USH2A: variants seen among roughly 807,000 people sequenced by gnomAD.
USH2A encodes the protein Usher syndrome 2A (autosomal recessive, mild).
In USH2A, 443 loss-of-function variants were observed where a neutral mutation model predicts 538.9. The ratio of observed to expected loss-of-function variants is 0.82; its 90% CI spans 0.76 to 0.89. The LOEUF is 0.89. Among genes scored for constraint, USH2A ranks in the 40% least tolerant of loss-of-function variants. The probability of loss-of-function intolerance (pLI) is 0.00; values close to 1 mark genes in which losing one functional copy is unlikely to be tolerated. For synonymous variants in USH2A, 2,413 were observed against 2,273.5 expected, an observed-to-expected ratio of 1.06 and a Z score of -1.75; for missense variants, 6,633 against 6,324.8, an observed-to-expected ratio of 1.05 and a Z score of -1.65.
chr1:216,290,622 T>C (rs1318190922), intron 10 of USH2A, among the ~76,000 whole-genome samples: 1 of 152,154 alleles, frequency 6.6e-6, no homozygotes, highest in Non-Finnish European at 1.5e-5. Context: ...CACTAACATG[T>C]GTAAGTGATT....
Position 216,390,625 on chromosome 1 carries a change from T to C in USH2A, c.652-25540A>G, listed in dbSNP as rs61328172. 9.6e-3 allele frequency among the ~76,000 whole-genome samples: 1,463 copies of C among 152,294 alleles called. 23 individuals carry two copies. Among genetic ancestry groups the C allele is most frequent in the African/African-American group, 0.034 (1,405 of 41,566 alleles). ...AGGCTAATATTCTTGAAATGGATAG[T>C]TTCAAACCTAAACTTTGAAGATAAC... On this transcript the variant is annotated intron_variant, in intron 3 of 71. Transcript: ENST00000307340.
At chr1:216,364,292 A>T (rs1016501926) in intron 4 of USH2A, among the ~76,000 whole-genome samples, 2 of 152,216 alleles carry the variant, frequency 1.3e-5, no homozygotes, top group African/African-American at 4.8e-5. Context: ...ACAATTCTCT[A>T]CATGAAAATG....
At chr1:216,010,979 C>A (rs1466203246) in intron 32 of USH2A, among the ~76,000 whole-genome samples, 1 of 152,126 alleles carries the variant, frequency 6.6e-6, no homozygotes, top group Non-Finnish European at 1.5e-5. Context: ...TTACCCCTCT[C>A]AATGCCAATA....
At chr1:215,641,527 A>C (rs1656684792) in intron 67 of USH2A, among the ~76,000 whole-genome samples, 1 of 152,228 alleles carries the variant, frequency 6.6e-6, no homozygotes, top group Non-Finnish European at 1.5e-5. Context: ...CTCACCTTTT[A>C]AATGAATAAT....
intron 49 of USH2A, 96 bp downstream of exon 49, chr1:215,813,640 G>T: frequency 1.3e-6 from 2 of 1,488,210 alleles, no homozygotes; most frequent in Non-Finnish European, 1.9e-6. Flanking sequence ...AATTTTTGTT[G>T]AGAGGGAGGT....
At chr1:215,870,092 A>C (rs913979786) in intron 43 of USH2A, among the ~76,000 whole-genome samples, 1 of 128,042 alleles carries the variant, frequency 7.8e-6, no homozygotes, top group Admixed American at 8.7e-5. Flanking sequence ...GATTTGTGTA[A>C]GTTTGCACAA....
intron 47 of USH2A, among the ~76,000 whole-genome samples, chr1:215,836,488 T>TTG (rs1553267732): frequency 1.4e-4 from 3 of 20,810 alleles, no homozygotes; most frequent in Admixed American, 1.6e-3. Context: ...ATAATATATA[T>TTG]TATATATATA....
chr1:216,309,288 T>A (rs1350712993), intron 9 of USH2A, among the ~76,000 whole-genome samples: 1 of 152,198 alleles, frequency 6.6e-6, no homozygotes, highest in Non-Finnish European at 1.5e-5. Context: ...CTTTTTGAAA[T>A]ATAACATAAA....
rs554367252 is a variant in USH2A, at chr1:215,927,222, G to A, written c.7300+7394C>T. 1.6e-3 allele frequency among the ~76,000 whole-genome samples: 243 copies of A among 152,036 alleles called. 1 individual carries two copies. The highest frequency in any genetic ancestry group is 5.1e-3 in the African/African-American group (211 of 41,502). ...TTAATAAAACAATACTGTGAAATTC[G>A]TTCAGGAAAAATAACTAAAAGACTT... On this transcript the variant is annotated intron_variant, in intron 38 of 71. Coordinates refer to ENST00000307340, the MANE Select transcript of USH2A (RefSeq NM_206933.4).
intron 3 of USH2A, among the ~76,000 whole-genome samples, chr1:216,374,668 G>A (rs2038784299): frequency 6.6e-6 from 1 of 152,010 alleles, no homozygotes; most frequent in Non-Finnish European, 1.5e-5. Context: ...ATAGACTCAT[G>A]AGTCTCTATT....
chr1:215,661,618 CATG>C (rs1390513741), intron 64 of USH2A, among the ~76,000 whole-genome samples: 2 of 152,198 alleles, frequency 1.3e-5, no homozygotes, highest in Non-Finnish European at 2.9e-5. Flanking sequence ...TGAACCATTA[CATG>C]GGTACCAATA....
chr1:216,175,382 T>C lies in USH2A; in HGVS notation c.4497A>G (p.Ile1499Met), dbSNP rs973137205. 3 of 1,613,788 alleles carry C rather than the reference T, an allele frequency of 1.9e-6. No homozygotes were observed. The highest frequency in any genetic ancestry group is 2.5e-6 in the Non-Finnish European group (3 of 1,179,858). Residue 1499 changes from isoleucine to methionine, a missense_variant, in exon 21 of 72, where the codon ATA (isoleucine) becomes ATG (methionine). By Grantham distance (10) the Ile-to-Met change is conservative. Transcript: ENST00000307340. ...PPEELNGPSP[I>M]YQLERRESSL... ...ATGACTCTCTCCTTTCCAGCTGATA[T>C]ATAGGAGAGGGTCCATTCAGTTCTT...
Position 216,175,242 on chromosome 1 carries a change from A to G in USH2A, c.4627+10T>C, listed in dbSNP as rs148657311. The G allele has an allele frequency of 2.4e-5, 39 of 1,613,448 alleles. No individual in the cohort carries two copies. Among genetic ancestry groups the G allele is most frequent in the Non-Finnish European group, 3.1e-5 (36 of 1,179,748 alleles). ...TGTCTCCTAAATAAAGCAATGTCAA[A>G]CACACTTACCAGTGAAGTCTGTATT... is the stretch of plus-strand genomic sequence containing the variant. On this transcript the variant is annotated intron_variant, in intron 21 of 71. Coordinates refer to ENST00000307340, the MANE Select transcript of USH2A (RefSeq NM_206933.4).
chr1:215,733,697 C>CT (rs1384281882), intron 60 of USH2A, among the ~76,000 whole-genome samples: 2 of 152,168 alleles, frequency 1.3e-5, no homozygotes, highest in African/African-American at 4.8e-5. Flanking sequence ...CAGAAAGGGC[C>CT]TATAGGGCCC....
At chr1:216,218,262 G>T (rs1176955624) in intron 14 of USH2A, among the ~76,000 whole-genome samples, 5 of 152,040 alleles carry the variant, frequency 3.3e-5, no homozygotes, top group South Asian at 2.1e-4. Context: ...ACCCAAAGTT[G>T]CTTGTAAAAA....
chr1:216,067,669 G>T (rs138553981), intron 30 of USH2A, among the ~76,000 whole-genome samples: 1 of 152,132 alleles, frequency 6.6e-6, no homozygotes, highest in African/African-American at 2.4e-5. Context: ...GAGGTGAAAA[G>T]TCCAGAGTAA....
At chr1:216,161,854 A>T (rs1439831809) in intron 21 of USH2A, among the ~76,000 whole-genome samples, 1 of 152,058 alleles carries the variant, frequency 6.6e-6, no homozygotes, top group Non-Finnish European at 1.5e-5. Context: ...AAAAAGTATC[A>T]TTCCATTATA....
At chr1:216,021,033 G>C (rs1571895292) in intron 32 of USH2A, among the ~76,000 whole-genome samples, 1 of 152,258 alleles carries the variant, frequency 6.6e-6, no homozygotes, top group East Asian at 1.9e-4. Context: ...AGTCTTGTGG[G>C]ACTGGGCTCT....
intron 30 of USH2A, among the ~76,000 whole-genome samples, chr1:216,059,545 T>C (rs1246578249): frequency 1.3e-5 from 2 of 152,216 alleles, no homozygotes; most frequent in African/African-American, 2.4e-5. Flanking sequence ...ACTATTTTTA[T>C]AGGTTTTTGT....
Sources: gnomAD v4.1 joint callset for allele counts (sites outside exome capture counted in the v4.1 genomes callset) on GRCh38, gnomAD v4.1.1 for gene constraint, MANE v1.5 for transcripts, NCBI Gene and HGNC (gene_info 2026-07-23, HGNC 2026-07-21) for gene names.